Variants in GLDC observed in about 807,000 individuals in gnomAD.
GLDC encodes the protein glycine decarboxylase.
A neutral mutation model predicts 121.3 loss-of-function variants in GLDC; 104 were observed. That is an observed-to-expected ratio of 0.86 (90% CI 0.73 to 1.01). The LOEUF is 1.01. GLDC is among the 50% of genes least tolerant of loss of function. The probability of loss-of-function intolerance (pLI) is 0.00; values close to 1 mark genes in which losing one functional copy is unlikely to be tolerated. For synonymous variants in GLDC, 546 were observed against 480.6 expected, an observed-to-expected ratio of 1.14 and a Z score of -1.78; for missense variants, 1,429 against 1,306.6, an observed-to-expected ratio of 1.09 and a Z score of -1.44.
intron 16 of GLDC, among the ~76,000 whole-genome samples, chr9:6,564,403 A>T (rs576067222): frequency 6.6e-6 from 1 of 152,124 alleles, no homozygotes; most frequent in Non-Finnish European, 1.5e-5. Flanking sequence ...AGCATTCTTT[A>T]TTGCAAATTC....
intron 16 of GLDC, among the ~76,000 whole-genome samples, chr9:6,564,591 C>T (rs1249269515): frequency 2.0e-5 from 3 of 152,206 alleles, no homozygotes; most frequent in African/African-American, 7.2e-5. Context: ...AGGCGATGCT[C>T]CTATTAAGGA....
intron 2 of GLDC, chr9:6,639,668 A>AAAAAAATATATAT: frequency 7.2e-5 from 18 of 250,528 alleles, no homozygotes; most frequent in Admixed American, 1.3e-4. Context: ...ATAAAAAAAA[A>AAAAAAATATATAT]GTATATATAT....
intron 3 of GLDC, among the ~76,000 whole-genome samples, chr9:6,617,841 T>C (rs894899462): frequency 3.3e-5 from 5 of 152,256 alleles, no homozygotes; most frequent in Admixed American, 3.3e-4. Context: ...ACTCATTGAT[T>C]GGGAGCATGT....
chr9:6,634,508 G>A (rs930826990), intron 2 of GLDC, among the ~76,000 whole-genome samples: 3 of 150,992 alleles, frequency 2.0e-5, no homozygotes, highest in African/African-American at 4.9e-5. Context: ...GAGCCTAGGT[G>A]ACATAACCAG....
chr9:6,589,187 A>G lies in GLDC; in HGVS notation c.1580+8T>C. 1 of 1,549,642 alleles carries G rather than the reference A, an allele frequency of 6.5e-7. No homozygotes were observed. The highest frequency in any genetic ancestry group is 8.9e-7 in the Non-Finnish European group (1 of 1,121,182). On this transcript the variant is annotated splice_region_variant and intron_variant, in intron 12 of 24. Transcript: ENST00000321612. ...ACAAAACGCAGAAGTCACACAAGAC[A>G]CACAAACCTGTTGAACACTTGATGG...
intron 3 of GLDC, among the ~76,000 whole-genome samples, chr9:6,611,314 T>C (rs1818846047): frequency 6.6e-6 from 1 of 152,188 alleles, no homozygotes; most frequent in South Asian, 2.1e-4. Context: ...CCTATTTTAC[T>C]TGGGAGGTCA....
intron 2 of GLDC, among the ~76,000 whole-genome samples, chr9:6,626,610 CAG>C (rs1300307824): frequency 1.3e-5 from 2 of 152,154 alleles, no homozygotes; most frequent in African/African-American, 4.8e-5. Flanking sequence ...TGAAAATCAT[CAG>C]AGCTGCTATG....
chr9:6,542,931 G>A (rs1036461635), intron 21 of GLDC, among the ~76,000 whole-genome samples: 2 of 150,588 alleles, frequency 1.3e-5, no homozygotes, highest in Non-Finnish European at 3.0e-5. Context: ...TCCTATTCAT[G>A]GGTAGGTAAA....
chr9:6,581,658 C>T (rs1818172681), intron 15 of GLDC, among the ~76,000 whole-genome samples: 1 of 152,066 alleles, frequency 6.6e-6, no homozygotes, highest in Non-Finnish European at 1.5e-5. Context: ...TAAATTGCAC[C>T]ATGGTAGATC....
At chr9:6,623,270 AAG>A (rs1263370494) in intron 2 of GLDC, among the ~76,000 whole-genome samples, 1 of 139,932 alleles carries the variant, frequency 7.1e-6, no homozygotes, top group Non-Finnish European at 1.5e-5. Context: ...GTTCTGTACT[AAG>A]AAAAATTCTT....
chr9:6,616,588 C>A (rs1441171171), intron 3 of GLDC, among the ~76,000 whole-genome samples: 2 of 152,158 alleles, frequency 1.3e-5, no homozygotes, highest in Non-Finnish European at 2.9e-5. Context: ...GGCCTGCCAT[C>A]ATGTTTACAA....
chr9:6,550,321 A>C (rs1245321326), intron 21 of GLDC, among the ~76,000 whole-genome samples: 1 of 152,130 alleles, frequency 6.6e-6, no homozygotes, highest in Non-Finnish European at 1.5e-5. Context: ...AATGCCCCTA[A>C]ACAGTTAACT....
rs1311286011 is a variant in GLDC, at chr9:6,620,280, C to T, written c.374G>A (p.Ser125Asn). Residue 125 changes from serine (S) to asparagine (N), a missense_variant, in exon 3 of 25, where the codon AGC (serine) becomes AAC (asparagine). Ser to Asn is a conservative substitution (Grantham distance 46). Coordinates refer to ENST00000321612, the MANE Select transcript of GLDC (RefSeq NM_000170.3). ...ATACGATCTCCAGATCTGGTTTTTGCTTGAAATGGCATGCAGAGTTGCAAG... is the reference window on the plus strand; with the variant it reads ...ATACGATCTCCAGATCTGGTTTTTGTTTGAAATGGCATGCAGAGTTGCAAG... ...EILATLHAIS[S>N]KNQIWRSYIG... The T allele has an allele frequency of 1.9e-6, 3 of 1,613,522 alleles. No individual in the cohort carries two copies. Among genetic ancestry groups the T allele is most frequent in the East Asian group, 2.2e-5 (1 of 44,886 alleles).
chr9:6,573,823 A>C (rs1379113075), intron 15 of GLDC, among the ~76,000 whole-genome samples: 1 of 152,218 alleles, frequency 6.6e-6, no homozygotes, highest in African/African-American at 2.4e-5. Context: ...GACCACTCTC[A>C]AGAAAATAAG....
At chr9:6,589,404 T>C (rs1818333433) in intron 11 of GLDC, 112 bp from the exon 12 acceptor site, 2 of 499,146 alleles carry the variant, frequency 4.0e-6, no homozygotes, top group Admixed American at 3.7e-5. Flanking sequence ...ATCAAATATA[T>C]AATTTTACTT....
rs189261107 is a variant in GLDC at position 6,573,407 on chromosome 9, G to C, written c.1851-7978C>G. Among the ~76,000 whole-genome samples the C allele has an allele frequency of 1.9e-3, 284 of 152,282 alleles. 1 individual carries two copies. The highest frequency in any genetic ancestry group is 6.5e-3 in the African/African-American group (272 of 41,554). ...GCCCGGCAGGCAGACGTTGCAGTGA[G>C]CTGAGATCGTGCCACTGTACTCCAG... On this transcript the variant is annotated intron_variant, in intron 15 of 24. Transcript: ENST00000321612.
At chr9:6,548,829 T>A (rs978202542) in intron 21 of GLDC, among the ~76,000 whole-genome samples, 2 of 152,138 alleles carry the variant, frequency 1.3e-5, no homozygotes, top group African/African-American at 4.8e-5. Context: ...TGTTCCCCCA[T>A]CTGTTTTTCT....
At position 6,545,375 on chromosome 9, in the gene GLDC, C is replaced by G. The variant is rs137876548; in HGVS notation, c.2570-5229G>C. Among the ~76,000 whole-genome samples, 580 of 152,204 alleles carry G rather than the reference C, an allele frequency of 3.8e-3. 5 individuals are homozygous for G. Among genetic ancestry groups the G allele is most frequent in the African/African-American group, 0.013 (560 of 41,524 alleles). On this transcript the variant is annotated intron_variant, in intron 21 of 24. Transcript: ENST00000321612. ...AACACAATGGTCCGAATCTGTGTAT[C>G]TTAACATATCTCAACATAGAAAAGA...
chr9:6,585,832 C>CTATGTATG (rs148214664), intron 15 of GLDC, among the ~76,000 whole-genome samples: 2,117 of 148,144 alleles, frequency 0.014, 19 homozygotes, highest in Non-Finnish European at 0.018. Flanking sequence ...TATCATTCAT[C>CTATGTATG]TATGTATGTA....
Sources: allele counts gnomAD v4.1 joint callset (sites outside exome capture counted in the v4.1 genomes callset), GRCh38; gene constraint gnomAD v4.1.1; transcripts MANE v1.5; gene names NCBI Gene and HGNC (gene_info 2026-07-23, HGNC 2026-07-21).